Variants in EIF4G3 observed in about 807,000 individuals in gnomAD.
The protein encoded by EIF4G3 is eIF-4-gamma 3.
In EIF4G3, 34 loss-of-function variants were observed where a neutral mutation model predicts 186.4. The ratio of observed to expected loss-of-function variants is 0.18; its 90% confidence interval spans 0.14 to 0.24. The LOEUF is 0.24. Ranked by LOEUF, EIF4G3 falls within the 10% of genes least tolerant of loss-of-function variation. The pLI, the probability that EIF4G3 is intolerant of heterozygous loss-of-function variation, is 1.00. For missense variants in EIF4G3, 1,536 were observed against 1,948.5 expected, an observed-to-expected ratio of 0.79 and a Z score of 3.99; for synonymous variants, 673 against 679.5, an observed-to-expected ratio of 0.99 and a Z score of 0.15.
chr1:20,933,316 G>C (rs926369828), intron 14 of EIF4G3, among the ~76,000 whole-genome samples: 2 of 152,160 alleles, frequency 1.3e-5, no homozygotes, highest in African/African-American at 4.8e-5. Context: ...GGCAGGGGAA[G>C]AAGGAAATGG....
chr1:20,959,882 T>C lies in EIF4G3; in HGVS notation c.714+9592A>G, dbSNP rs188187176. 5.3e-5 allele frequency among the ~76,000 whole-genome samples: 8 copies of C among 152,024 alleles called. No homozygotes were observed. The East Asian group carries it at 5.8e-4, about 11-fold the overall frequency. On this transcript the variant is annotated intron_variant, in intron 12 of 36. Coordinates refer to ENST00000602326, the MANE Select transcript of EIF4G3 (RefSeq NM_001391906.1). ...CCATTATTAAAAAGTCAAAAAACAATAGATGCTGGCATGGATATGGGGAAA... is the reference window on the plus strand; with the variant it reads ...CCATTATTAAAAAGTCAAAAAACAACAGATGCTGGCATGGATATGGGGAAA...
intron 10 of EIF4G3, among the ~76,000 whole-genome samples, chr1:20,978,261 G>A (rs1183036890): frequency 6.6e-6 from 1 of 152,080 alleles, no homozygotes; most frequent in Non-Finnish European, 1.5e-5. Flanking sequence ...AACAGCACTT[G>A]CAATATGCTG....
chr1:21,038,449 G>A (rs551729565), intron 4 of EIF4G3, among the ~76,000 whole-genome samples: 10 of 152,124 alleles, frequency 6.6e-5, no homozygotes, highest in Non-Finnish European at 1.3e-4. Flanking sequence ...TAGCCACCAC[G>A]ATTATCTCTA....
chr1:20,964,175 T>C (rs2074098708), intron 12 of EIF4G3, among the ~76,000 whole-genome samples: 1 of 152,210 alleles, frequency 6.6e-6, no homozygotes, highest in Non-Finnish European at 1.5e-5. Context: ...CCCACTTTAA[T>C]AGGTAAGAAC....
intron 29 of EIF4G3, among the ~76,000 whole-genome samples, chr1:20,846,308 G>A (rs1272820859): frequency 6.6e-6 from 1 of 152,148 alleles, no homozygotes; most frequent in Non-Finnish European, 1.5e-5. Flanking sequence ...ACCCTGGCCA[G>A]TACTATGTTG....
chr1:21,070,670 T>A (rs1180272143), intron 3 of EIF4G3, among the ~76,000 whole-genome samples: 2 of 151,746 alleles, frequency 1.3e-5, no homozygotes, highest in Non-Finnish European at 3.0e-5. Flanking sequence ...AAACATAAAA[T>A]AAAAAACAAA....
At chr1:20,820,648 G>A (rs1168284237) in intron 33 of EIF4G3, among the ~76,000 whole-genome samples, 1 of 152,142 alleles carries the variant, frequency 6.6e-6, no homozygotes, top group Admixed American at 6.5e-5. Flanking sequence ...GCTGCCTATG[G>A]ACCAATTGGC....
intron 14 of EIF4G3, among the ~76,000 whole-genome samples, chr1:20,926,581 A>T (rs908451317): frequency 1.1e-4 from 16 of 151,988 alleles, no homozygotes; most frequent in African/African-American, 3.6e-4. Context: ...TGAGGTGGGA[A>T]GACTGAGACC....
At chr1:20,884,315 A>G (rs2154554731) in intron 19 of EIF4G3, among the ~76,000 whole-genome samples, 2 of 152,352 alleles carry the variant, frequency 1.3e-5, no homozygotes, top group South Asian at 4.1e-4. Context: ...ATTACGAGTT[A>G]TAACAACTGG....
In EIF4G3 at chr1:20,926,639, T is replaced by G. The variant is rs1417407518; in HGVS notation, c.1663+14852A>C. Among the ~76,000 whole-genome samples, 6 of 149,658 alleles carry G rather than the reference T, an allele frequency of 4.0e-5. No individual in the cohort carries two copies. The East Asian group carries it at 1.2e-3, about 29-fold the overall frequency. ...CCATGTTTATGCCACTGCACTCTAG[T>G]CTGGGTGACAGAGCAAGACCCTGTC... On this transcript the variant is annotated intron_variant, in intron 14 of 36. Transcript: ENST00000602326.
chr1:21,017,110 T>C (rs1324992985), intron 4 of EIF4G3, among the ~76,000 whole-genome samples: 1 of 152,098 alleles, frequency 6.6e-6, no homozygotes, highest in Non-Finnish European at 1.5e-5. Context: ...GGCACATACA[T>C]ACAAAAAAAT....
At position 21,108,093 on chromosome 1, in the gene EIF4G3, T is replaced by A. The variant is rs534965276; in HGVS notation, c.-271-18880A>T. ...AGCCTGGGAGGCAGAGGATGCAGTG[T>A]TGAGATCACACCACTGCACTCCAGC... On this transcript the variant is annotated intron_variant, in intron 2 of 36. Transcript: ENST00000602326. 2.0e-5 allele frequency among the ~76,000 whole-genome samples: 3 copies of A among 152,070 alleles called. No homozygotes were observed. The East Asian group carries it at 5.8e-4, about 29-fold the overall frequency.
At chr1:21,103,216 T>G (rs764416252) in intron 2 of EIF4G3, among the ~76,000 whole-genome samples, 3 of 152,142 alleles carry the variant, frequency 2.0e-5, no homozygotes, top group Non-Finnish European at 4.4e-5. Context: ...TCAGCTGAAC[T>G]CTACTCCTAT....
intron 3 of EIF4G3, among the ~76,000 whole-genome samples, chr1:21,075,235 A>T (rs1036508541): frequency 6.6e-6 from 1 of 152,128 alleles, no homozygotes; most frequent in Non-Finnish European, 1.5e-5. Context: ...ATTAAAAAAC[A>T]TTACACACCT....
intron 20 of EIF4G3, among the ~76,000 whole-genome samples, chr1:20,867,844 T>C (rs2077943210): frequency 6.6e-6 from 1 of 152,192 alleles, no homozygotes; most frequent in Admixed American, 6.5e-5. Context: ...ATAAAGAACA[T>C]GTAATCATGC....
chr1:20,947,541 AAGAG>A (rs543660805), intron 13 of EIF4G3, among the ~76,000 whole-genome samples: 35 of 151,424 alleles, frequency 2.3e-4, no homozygotes, highest in Admixed American at 5.9e-4. Flanking sequence ...AGAAAGAAAA[AAGAG>A]AGAGAGAGAG....
At chr1:20,854,292 A>G (rs918091908) in intron 26 of EIF4G3, among the ~76,000 whole-genome samples, 2 of 152,152 alleles carry the variant, frequency 1.3e-5, no homozygotes, top group African/African-American at 4.8e-5. Context: ...AATGCTCTGC[A>G]TATTAAGATT....
At chr1:21,016,240 A>G (rs1329883774) in intron 4 of EIF4G3, among the ~76,000 whole-genome samples, 1 of 152,220 alleles carries the variant, frequency 6.6e-6, no homozygotes, top group African/African-American at 2.4e-5. Context: ...TAACTTCATG[A>G]TTTTACATGA....
At chr1:21,129,080 C>T (rs1041772445) in intron 2 of EIF4G3, among the ~76,000 whole-genome samples, 2 of 151,618 alleles carry the variant, frequency 1.3e-5, no homozygotes, top group Non-Finnish European at 3.0e-5. Context: ...TTTGGGAGGC[C>T]GAGGCGGGTG....
Sources: allele counts gnomAD v4.1 joint callset (sites outside exome capture counted in the v4.1 genomes callset), GRCh38; gene constraint gnomAD v4.1.1; transcripts MANE v1.5; gene names NCBI Gene and HGNC (gene_info 2026-07-23, HGNC 2026-07-21).